Variants in IGSF9 observed in about 807,000 individuals in gnomAD.
IGSF9 encodes the protein protein turtle homolog A.
A neutral mutation model predicts 121.7 loss-of-function variants in IGSF9; 87 were observed. That is an observed-to-expected ratio of 0.71 (90% CI 0.60 to 0.85). The LOEUF (loss-of-function observed/expected upper bound fraction) is 0.85. Ranked by LOEUF, IGSF9 falls within the 40% of genes least tolerant of loss-of-function variation. The probability of loss-of-function intolerance (pLI) is 0.00; values close to 1 mark genes in which losing one functional copy is unlikely to be tolerated. For synonymous variants in IGSF9, 640 were observed against 648.4 expected (o/e 0.99, Z 0.20); for missense variants, 1,462 against 1,565.3 (o/e 0.93, Z 1.11).
chr1:159,927,329 C>T lies in IGSF9; in HGVS notation c.*16G>A. ...GCAGGTCCATATGCCTTTTCACAGC[C>T]TCACATCAGGGATGTTCACAGCAGA... is the stretch of plus-strand genomic sequence containing the variant. On this transcript the variant is annotated 3_prime_UTR_variant, in exon 21 of 21. Transcript: ENST00000368094. The T allele has an allele frequency of 3.1e-6, 5 of 1,613,032 alleles. No homozygotes were observed. The highest frequency in any genetic ancestry group is 4.2e-6 in the Non-Finnish European group (5 of 1,180,012).
chr1:159,936,634 CCTT>C (rs1462714439), intron 5 of IGSF9, 117 bp downstream of exon 5: 53 of 1,524,600 alleles, frequency 3.5e-5, no homozygotes, highest in African/African-American at 1.1e-4. Flanking sequence ...AATGCCAAGC[CCTT>C]CTTCTGGCCC....
Position 159,930,676 on chromosome 1 carries a change from A to T in IGSF9, c.1813+16T>A, listed in dbSNP as rs757292745. 1 of 1,613,714 alleles carries T rather than the reference A, an allele frequency of 6.2e-7. No individual in the cohort carries two copies. Among genetic ancestry groups the T allele is most frequent in the Non-Finnish European group, 8.5e-7 (1 of 1,179,848 alleles). On this transcript the variant is annotated intron_variant, in intron 14 of 20. Coordinates refer to ENST00000368094, the MANE Select transcript of IGSF9 (RefSeq NM_001135050.2). Reference sequence around the variant, plus strand: ...CCATCCTTGTCTCTGCTGTTCTGGGACGAGAAGCTTCTCACCTTCCGGAGC... The same window carrying T: ...CCATCCTTGTCTCTGCTGTTCTGGGTCGAGAAGCTTCTCACCTTCCGGAGC...
Position 159,929,699 on chromosome 1 carries a change from C to CA in IGSF9, c.2264dup (p.Ala756GlyfsTer44). On this transcript the variant is annotated frameshift_variant, in exon 17 of 21. Coordinates refer to ENST00000368094, the MANE Select transcript of IGSF9 (RefSeq NM_001135050.2). LOFTEE classifies it high-confidence loss of function. Reference sequence around the variant, plus strand: ...TGCGCCGGTTCAGGAGGCAGCCGGCCAGGATGCTCACAAGGACGGCCACTC... The same window carrying CA: ...TGCGCCGGTTCAGGAGGCAGCCGGCCAAGGATGCTCACAAGGACGGCCACTC... 6.3e-7 allele frequency: 1 copy of CA among 1,599,052 alleles called. No individual in the cohort carries two copies. The highest frequency in any genetic ancestry group is 8.5e-7 in the Non-Finnish European group (1 of 1,174,080).
rs368907435 is a variant in IGSF9 at position 159,931,733 on chromosome 1, C to T, written c.1362+79G>A. 3 of 1,476,344 alleles carry T rather than the reference C, an allele frequency of 2.0e-6. No individual in the cohort carries two copies. Among genetic ancestry groups the T allele is most frequent in the Admixed American group, 1.9e-5 (1 of 53,188 alleles). The allele number at this position is 1,476,344 out of a possible 1,614,324, so 91.5% of individuals were successfully genotyped here. On this transcript the variant is annotated intron_variant, in intron 11 of 20. Coordinates refer to ENST00000368094, the MANE Select transcript of IGSF9 (RefSeq NM_001135050.2). The surrounding 1 kb of genome is among the most constrained non-coding windows in gnomAD (Gnocchi z 4.8). ...CAGCCTTCTCCTTCCCACACCCTCC[C>T]TCCCACAAAATGGCTGGGGCACGAG...
Position 159,934,786 on chromosome 1 carries a change from G to A in IGSF9, c.710C>T (p.Thr237Ile), listed in dbSNP as rs1361709985. ...TGAAACATCCTGGGAGGCATTGACT[G>A]TGCTGTTCTTGGGGGGCACCACGAT... ...PVIVVPPKNS[T>I]VNASQDVSLA... The change falls in exon 7 of 21, where the codon ACA becomes ATA. Residue 237 changes from threonine to isoleucine, a missense_variant. Around this residue, in one of 3 missense-constraint regions of IGSF9, gnomAD observed 558 missense variants for 599.4 expected, o/e 0.93. Coordinates refer to ENST00000368094, the MANE Select transcript of IGSF9 (RefSeq NM_001135050.2). The A allele has an allele frequency of 1.2e-5, 19 of 1,614,090 alleles. No individual in the cohort carries two copies. Among genetic ancestry groups the A allele is most frequent in the Non-Finnish European group, 1.6e-5 (19 of 1,180,030 alleles).
At chr1:159,943,310 A>C in intron 2 of IGSF9, 87 bp downstream of exon 2, 1 of 1,394,860 alleles carries the variant, frequency 7.2e-7, no homozygotes, top group Non-Finnish European at 9.6e-7. Flanking sequence ...CCCTGCCCTC[A>C]CATGCTCAAA....
Position 159,928,857 on chromosome 1 carries a change from G to T in IGSF9, c.2531C>A (p.Pro844His). 6.3e-7 allele frequency: 1 copy of T among 1,576,052 alleles called. No individual in the cohort carries two copies. Among genetic ancestry groups the T allele is most frequent in the Middle Eastern group, 1.7e-4 (1 of 5,882 alleles). Reference sequence around the variant, plus strand: ...GCGCCCGTCTGGGCCCCGGCAAATGGGCTCCAGAGGTAAGGGTCCCCGGCT... The same window carrying T: ...GCGCCCGTCTGGGCCCCGGCAAATGTGCTCCAGAGGTAAGGGTCCCCGGCT... The part of the protein sequence containing the change: ...PSSRGPLPLE[P>H]ICRGPDGRFV... The change falls in exon 19 of 21, where the codon CCC (proline) becomes CAC (histidine). Residue 844 changes from proline (P) to histidine (H), a missense_variant. Transcript: ENST00000368094.
At position 159,929,698 on chromosome 1, in the gene IGSF9, C is replaced by T. The variant is rs1650907240; in HGVS notation, c.2266G>A (p.Ala756Thr). 1 of 1,598,616 alleles carries T rather than the reference C, an allele frequency of 6.3e-7. No individual in the cohort carries two copies. The highest frequency in any genetic ancestry group is 8.5e-7 in the Non-Finnish European group (1 of 1,173,894). ...LGVAVLVSIL[A>T]GCLLNRRRAA... Reference sequence around the variant, plus strand: ...CTGCGCCGGTTCAGGAGGCAGCCGGCCAGGATGCTCACAAGGACGGCCACT... The same window carrying T: ...CTGCGCCGGTTCAGGAGGCAGCCGGTCAGGATGCTCACAAGGACGGCCACT... Residue 756 changes from alanine to threonine, a missense_variant, in exon 17 of 21, where the codon GCC becomes ACC. By Grantham distance (58) the Ala-to-Thr change is moderately conservative. Transcript: ENST00000368094.
chr1:159,927,459 A>G lies in IGSF9; in HGVS notation c.3426T>C (p.Cys1142=), dbSNP rs753748389. 1.5e-5 allele frequency: 25 copies of G among 1,614,148 alleles called. No individual in the cohort carries two copies. Among genetic ancestry groups the G allele is most frequent in the Non-Finnish European group, 1.9e-5 (23 of 1,180,034 alleles). Residue 1142 remains cysteine (C), a synonymous_variant, in exon 21 of 21, where the codon TGT becomes TGC. Transcript: ENST00000368094. ...CCAGGAATTCCTCCCGAAGGGCAGC[A>G]CAGCGGGCCTCAGGGCCAGTAACAT... ...TAHVTGPEAR[C]AALREEFLAF... is the part of the protein sequence containing the mutation.
rs772762274 is a variant in IGSF9, at chr1:159,930,727, C to G, written c.1778G>C (p.Gly593Ala). Residue 593 changes from glycine to alanine, a missense_variant, in exon 14 of 21, where the codon GGT (glycine) becomes GCT (alanine). Transcript: ENST00000368094. ...SVLAQNKLGSGPFSEIVLSAP... is the reference protein window; with the variant it reads ...SVLAQNKLGSAPFSEIVLSAP... ...AGACAAGACGATTTCGCTGAAGGGA[C>G]CACTCCCCAGCTTGTTCTGAGCTAG... 5.0e-6 allele frequency: 8 copies of G among 1,614,012 alleles called. No homozygotes were observed. The highest frequency in any genetic ancestry group is 3.3e-5 in the Admixed American group (2 of 59,990).
In IGSF9 at chr1:159,937,686, A is replaced by G. The variant is rs1651241994; in HGVS notation, c.400T>C (p.Ser134Pro). The G allele has an allele frequency of 2.5e-6, 4 of 1,613,300 alleles. No individual in the cohort carries two copies. The highest frequency in any genetic ancestry group is 2.5e-6 in the Non-Finnish European group (3 of 1,179,512). ...NGSWVHLTVN[S>P]PPQFQETPPA... is the part of the protein sequence containing the mutation. ...CACCACCTGCCCCCCAGCTTCATAC[A>G]ATTGACTGTCAGATGCACCCAGGAG... is the stretch of plus-strand genomic sequence containing the variant. Residue 134 changes from serine to proline, a missense_variant and splice_region_variant, in exon 4 of 21, where the codon TCA becomes CCA. Physicochemically the swap from Ser to Pro is moderately conservative, Grantham distance 74. Transcript: ENST00000368094.
At chr1:159,938,794 G>A (rs1396973636) in intron 3 of IGSF9, among the ~76,000 whole-genome samples, 1 of 152,194 alleles carries the variant, frequency 6.6e-6, no homozygotes, top group East Asian at 1.9e-4. Flanking sequence ...GGGGTGGGGT[G>A]GAGGAGAGAA....
Position 159,927,783 on chromosome 1 carries a change from C to G in IGSF9, c.3335G>C (p.Arg1112Thr). Residue 1112 changes from arginine (R) to threonine (T), a missense_variant, in exon 20 of 21, where the codon AGA (arginine) becomes ACA (threonine). Transcript: ENST00000368094. ...ACCTAGCTCTGGCTCAGCTTCAGGT[C>G]TGAGCCGGGAGCTGGCCAAGCCCAG... ...LHLGLASSRLRPEAEPELGVK... is the reference protein window; with the variant it reads ...LHLGLASSRLTPEAEPELGVK... 2 of 1,613,734 alleles carry G rather than the reference C, an allele frequency of 1.2e-6. No homozygotes were observed. The highest frequency in any genetic ancestry group is 1.7e-6 in the Non-Finnish European group (2 of 1,179,944).
At position 159,929,741 on chromosome 1, in the gene IGSF9, G is replaced by A. The variant is rs760188739; in HGVS notation, c.2223C>T (p.Gly741=). 1 of 1,601,750 alleles carries A rather than the reference G, an allele frequency of 6.2e-7. No individual in the cohort carries two copies. Among genetic ancestry groups the A allele is most frequent in the South Asian group, 1.1e-5 (1 of 89,000 alleles). Residue 741 remains glycine, a synonymous_variant, in exon 17 of 21, where the codon GGC becomes GGT. Transcript: ENST00000368094. ...CGGCCACTCCCAGAAAGCAGACTCC[G>A]CCCACCACGCCGGCCAGCACGGGCT... ...LPQPVLAGVV[G]GVCFLGVAVL...
chr1:159,927,473 G>C lies in IGSF9; in HGVS notation c.3412C>G (p.Pro1138Ala). ...CLLNTAHVTGPEARCAALREE... is the reference protein window; with the variant it reads ...CLLNTAHVTGAEARCAALREE... ...CGAAGGGCAGCACAGCGGGCCTCAG[G>C]GCCAGTAACATGGGCAGTGTTCAGG... Residue 1138 changes from proline (P) to alanine (A), a missense_variant, in exon 21 of 21, where the codon CCT becomes GCT. This residue lies in a region of IGSF9 where 808 missense variants were observed against 815.2 expected (regional missense o/e 0.99). Coordinates refer to ENST00000368094, the MANE Select transcript of IGSF9 (RefSeq NM_001135050.2). 2 of 1,614,148 alleles carry C rather than the reference G, an allele frequency of 1.2e-6. No individual in the cohort carries two copies. The highest frequency in any genetic ancestry group is 1.7e-6 in the Non-Finnish European group (2 of 1,180,042).
In IGSF9 at chr1:159,934,193, G is replaced by C. The variant is rs897160611; in HGVS notation, c.1101C>G (p.Asp367Glu). 3 of 1,612,556 alleles carry C rather than the reference G, an allele frequency of 1.9e-6. No individual in the cohort carries two copies. In the African/African-American group the frequency reaches 4.0e-5, roughly 22 times the overall value. ...WTKDGKALQL[D>E]KFPGWSQGTE... ...TTCCCCTGCCCCAAGCCTGTACCTT[G>C]TCCAGCTGCAGGGCCTTTCCATCCT... The change falls in exon 9 of 21, where the codon GAC becomes GAG. Residue 367 changes from aspartate (D) to glutamate (E), a missense_variant. Asp to Glu is a conservative substitution (Grantham distance 45, BLOSUM62 2). Transcript: ENST00000368094.
intron 3 of IGSF9, among the ~76,000 whole-genome samples, chr1:159,938,968 C>CACCACCACACACCA: frequency 6.6e-6 from 1 of 152,330 alleles, no homozygotes; most frequent in African/African-American, 2.4e-5. Context: ...TCTCTTCCTG[C>CACCACCACACACCA]ACCACCACAC....
At chr1:159,936,604 AC>A in intron 5 of IGSF9, 88 bp from the exon 6 acceptor site, 1 of 1,528,300 alleles carries the variant, frequency 6.5e-7, no homozygotes, top group Non-Finnish European at 8.9e-7. Flanking sequence ...GGGAGGCAGC[AC>A]CCCAGGCTCG....
chr1:159,933,884 A>C, intron 9 of IGSF9: 1 of 407,550 alleles, frequency 2.5e-6, no homozygotes, highest in Non-Finnish European at 4.5e-6. Context: ...GGGACACACA[A>C]TTTCCCAGTC....
Sources: allele counts gnomAD v4.1 joint callset (sites outside exome capture counted in the v4.1 genomes callset), GRCh38; gene constraint gnomAD v4.1.1; regional missense constraint gnomAD v4.1.1; non-coding constraint Gnocchi (gnomAD v3.1); transcripts MANE v1.5; gene names NCBI Gene and HGNC (gene_info 2026-07-23, HGNC 2026-07-21).